SSPN: variants seen among roughly 807,000 people sequenced by gnomAD.
SSPN encodes K-ras oncogene-associated protein.
In SSPN, 15 loss-of-function variants were observed where a neutral mutation model predicts 19.1. The observed-to-expected ratio is 0.78, with a 90% CI of 0.52 to 1.21. SSPN has a LOEUF of 1.21. Among genes scored for constraint, SSPN ranks in the 50% most tolerant of loss-of-function variants. SSPN has a pLI of 0.00. For missense variants in SSPN, 291 were observed against 314.0 expected, an observed-to-expected ratio of 0.93 and a Z score of 0.55; for synonymous variants, 147 against 140.3, an observed-to-expected ratio of 1.05 and a Z score of -0.34.
intron 1 of SSPN, among the ~76,000 whole-genome samples, chr12:26,137,636 G>GTATATATATATATATATATATATATA (rs35349803): frequency 4.1e-4 from 13 of 31,378 alleles, no homozygotes; most frequent in African/African-American, 1.5e-3. Context: ...GTGTGTGTAT[G>GTATATATATATATATATATATATATA]TATATATATA....
At chr12:26,140,598 G>C (rs1252883871) in intron 1 of SSPN, among the ~76,000 whole-genome samples, 1 of 152,130 alleles carries the variant, frequency 6.6e-6, no homozygotes. Context: ...TTTTCCCCTC[G>C]CTGTTTTCAT....
At chr12:26,196,141 CT>C (rs1944828127) in intron 1 of SSPN, among the ~76,000 whole-genome samples, 190 bp downstream of exon 1, 1 of 152,212 alleles carries the variant, frequency 6.6e-6, no homozygotes, top group Admixed American at 6.5e-5. Context: ...CGCGATAGGG[CT>C]CCTGCCCCTC....
intron 1 of SSPN, among the ~76,000 whole-genome samples, chr12:26,181,944 G>C (rs1944720865): frequency 6.6e-6 from 1 of 152,144 alleles, no homozygotes; most frequent in Admixed American, 6.5e-5. Context: ...ATTTTTGTTA[G>C]TTATTTTTTT....
At chr12:26,128,253 TG>T (rs1424071502) in intron 1 of SSPN, among the ~76,000 whole-genome samples, 1 of 152,102 alleles carries the variant, frequency 6.6e-6, no homozygotes, top group Admixed American at 6.5e-5. Flanking sequence ...TGAAATTGTG[TG>T]GGGAGTTTTG....
chr12:26,123,574 C>A, intron 1 of SSPN: 1 of 1,236,490 alleles, frequency 8.1e-7, no homozygotes. Context: ...TGACACTGCT[C>A]CCCTGTGGGC....
chr12:26,176,023 G>A (rs565554205), intron 1 of SSPN, among the ~76,000 whole-genome samples: 44 of 152,100 alleles, frequency 2.9e-4, no homozygotes, highest in Non-Finnish European at 5.0e-4. Flanking sequence ...TTTTAGTAGA[G>A]ACGGGGTTTC....
At position 26,169,887 on chromosome 12, in the gene SSPN, A is replaced by C. The variant is rs565878183; in HGVS notation, c.-31+47735A>C. On this transcript the variant is annotated intron_variant, in intron 1 of 2. Coordinates refer to the SSPN transcript ENST00000538142. ...CATGCCTTCCTTTTCTGAGGGTTGC[A>C]GAGCAGGCTGTGGACCCTAGAAAAT... Among the ~76,000 whole-genome samples, 6 of 152,346 alleles carry C rather than the reference A, an allele frequency of 3.9e-5. No homozygotes were observed. The East Asian group carries it at 1.2e-3, about 29-fold the overall frequency.
chr12:26,173,445 CT>C (rs1037889843), intron 1 of SSPN, among the ~76,000 whole-genome samples: 13 of 152,258 alleles, frequency 8.5e-5, no homozygotes, highest in African/African-American at 3.1e-4. Context: ...ACTCTGGAGC[CT>C]TTCTTTTTGG....
chr12:26,177,256 G>A (rs558909421), intron 1 of SSPN, among the ~76,000 whole-genome samples: 11 of 152,288 alleles, frequency 7.2e-5, no homozygotes, highest in African/African-American at 2.4e-4. Context: ...AATCTCTGAG[G>A]ATTACTGAAT....
At chr12:26,184,955 G>A (rs1944743403) in intron 1 of SSPN, among the ~76,000 whole-genome samples, 1 of 152,066 alleles carries the variant, frequency 6.6e-6, no homozygotes, top group African/African-American at 2.4e-5. Flanking sequence ...CAAGCAGCTT[G>A]CTTCAATAAA....
intron 1 of SSPN, among the ~76,000 whole-genome samples, chr12:26,208,382 T>C (rs1050366955): frequency 8.5e-5 from 13 of 152,338 alleles, no homozygotes; most frequent in Admixed American, 7.8e-4. Flanking sequence ...TTATGTTGAT[T>C]GGCCATTTTA....
At chr12:26,164,950 T>C (rs569485751) in intron 1 of SSPN, among the ~76,000 whole-genome samples, 5 of 152,310 alleles carry the variant, frequency 3.3e-5, no homozygotes, top group South Asian at 2.1e-4. Context: ...CTCTCAGCCG[T>C]GAATAGCATT....
chr12:26,161,513 C>G (rs1565675224), intron 1 of SSPN, among the ~76,000 whole-genome samples: 2 of 152,186 alleles, frequency 1.3e-5, no homozygotes, highest in Admixed American at 1.3e-4. Flanking sequence ...TTAATTGGCT[C>G]TACTTTTTTC....
At chr12:26,145,439 G>T (rs74072064) in intron 1 of SSPN, among the ~76,000 whole-genome samples, 9,562 of 152,256 alleles carry the variant, frequency 0.063, 431 homozygotes, top group South Asian at 0.14. Flanking sequence ...ATGGTTGGGG[G>T]TGAAGTGAAA....
chr12:26,157,139 T>G (rs576441009), intron 1 of SSPN, among the ~76,000 whole-genome samples: 7 of 152,348 alleles, frequency 4.6e-5, no homozygotes, highest in Admixed American at 3.3e-4. Flanking sequence ...CAGCTCCGTC[T>G]TGTTAGTGCT....
chr12:26,145,118 A>G (rs1944482300), intron 1 of SSPN, among the ~76,000 whole-genome samples: 1 of 152,208 alleles, frequency 6.6e-6, no homozygotes, highest in African/African-American at 2.4e-5. Flanking sequence ...CTGGACCTGC[A>G]GATGTGAACA....
intron 1 of SSPN, among the ~76,000 whole-genome samples, chr12:26,205,898 T>C (rs1944926984): frequency 6.6e-6 from 1 of 152,198 alleles, no homozygotes; most frequent in South Asian, 2.1e-4. Context: ...CCCACACAGG[T>C]TGGCTTTGTC....
intron 1 of SSPN, among the ~76,000 whole-genome samples, chr12:26,207,587 T>A (rs1462542615): frequency 6.6e-6 from 1 of 152,230 alleles, no homozygotes; most frequent in Non-Finnish European, 1.5e-5. Flanking sequence ...CATATTTTAA[T>A]TTTTATACAG....
upstream of SSPN, among the ~76,000 whole-genome samples, chr12:26,190,841 A>G (rs111582900): frequency 4.4e-3 from 677 of 152,322 alleles, 1 homozygote; most frequent in African/African-American, 0.015. Context: ...TTTGACAACT[A>G]AGACCCATAT....
Sources: gnomAD v4.1 joint callset for allele counts (sites outside exome capture counted in the v4.1 genomes callset) on GRCh38, gnomAD v4.1.1 for gene constraint, MANE v1.5 for transcripts, NCBI Gene and HGNC (gene_info 2026-07-23, HGNC 2026-07-21) for gene names.